Variants in KPNA5 observed in about 807,000 individuals in gnomAD.
KPNA5 encodes the protein karyopherin subunit alpha 5.
KPNA5 carries 46 observed loss-of-function variants against 71.3 expected under a neutral mutation model. The ratio of observed to expected loss-of-function variants is 0.65; its 90% CI spans 0.51 to 0.83. KPNA5 has a LOEUF of 0.83. Ranked by LOEUF, KPNA5 falls within the 40% of genes least tolerant of loss-of-function variation. KPNA5 has a pLI of 0.00. For synonymous variants in KPNA5, 207 were observed against 201.4 expected (o/e 1.03, Z -0.24); for missense variants, 547 against 628.3 (o/e 0.87, Z 1.38).
In KPNA5 at chr6:116,740,687, C is replaced by T. The variant is rs896243988; in HGVS notation, c.*8364C>T. 4 of 152,126 alleles carry T rather than the reference C, an allele frequency of 2.6e-5. No individual in the cohort carries two copies. Among genetic ancestry groups the T allele is most frequent in the African/African-American group, 9.7e-5 (4 of 41,426 alleles). The allele number at this position is 152,126 out of a possible 1,614,324, so 9.4% of individuals were successfully genotyped here. A position where few individuals can be genotyped will look rare whatever the true frequency, so the allele number is the denominator to read the frequency against. On this transcript the variant is annotated 3_prime_UTR_variant, in exon 14 of 14. Transcript: ENST00000368564. Reference sequence around the variant, plus strand: ...CCATAAAAAATGATGAGTTCATGTCCTTTGTAGGGACATGGATGAAATTGG... The same window carrying T: ...CCATAAAAAATGATGAGTTCATGTCTTTTGTAGGGACATGGATGAAATTGG...
At position 116,722,139 on chromosome 6, in the gene KPNA5, T is replaced by C; in HGVS notation, c.770T>C (p.Leu257Ser). 6.3e-7 allele frequency: 1 copy of C among 1,578,410 alleles called. No homozygotes were observed. Among genetic ancestry groups the C allele is most frequent in the Non-Finnish European group, 8.6e-7 (1 of 1,161,508 alleles). ...CTTCCCTTACAGGTTTCACCTTGCT[T>C]AAATGTCCTGTCACGACTGTTGTTT... ...PPNFSKVSPC[L>S]NVLSRLLFSS... Residue 257 changes from leucine to serine, a missense_variant, in exon 9 of 14, where the codon TTA (leucine) becomes TCA (serine). By Grantham distance (145) the Leu-to-Ser change is moderately radical. Coordinates refer to ENST00000368564, the MANE Select transcript of KPNA5 (RefSeq NM_001366306.2).
Position 116,722,293 on chromosome 6 carries a change from AC to A in KPNA5, c.920+5del, listed in dbSNP as rs758105064. ...GAAGATTGGTGGAACTTTTGATGTA[AC>A]TATAAATAATTTATGCTTAATAATT... is the stretch of plus-strand genomic sequence containing the variant. On this transcript the variant is annotated splice_donor_5th_base_variant and intron_variant, in intron 9 of 13. Transcript: ENST00000368564. 17 of 1,599,608 alleles carry A rather than the reference AC, an allele frequency of 1.1e-5. No homozygotes were observed. In the South Asian group the frequency reaches 1.7e-4, roughly 16 times the overall value.
In KPNA5 at chr6:116,740,450, T is replaced by C. The variant is rs1562463378; in HGVS notation, c.*8127T>C. 6.6e-6 allele frequency: 1 copy of C among 152,198 alleles called. No homozygotes were observed. Among genetic ancestry groups the C allele is most frequent in the Non-Finnish European group, 1.5e-5 (1 of 68,048 alleles). 9.4% of individuals were successfully genotyped at this position (152,198 alleles called of 1,614,324 possible). A position where few individuals can be genotyped will look rare whatever the true frequency, so the allele number is the denominator to read the frequency against. The stretch of plus-strand genomic sequence containing the variant: ...AGTCAGTTTGGCGATTCCTCAGTGA[T>C]CTAGAACTAGAAATACCATTTGACC... On this transcript the variant is annotated 3_prime_UTR_variant, in exon 14 of 14. Transcript: ENST00000368564.
intron 12 of KPNA5, among the ~76,000 whole-genome samples, chr6:116,728,513 A>G (rs956767210): frequency 2.0e-5 from 3 of 152,144 alleles, no homozygotes; most frequent in Non-Finnish European, 4.4e-5. Flanking sequence ...AGCACCAGCA[A>G]TGTGTCTGGT....
chr6:116,729,457 G>A, intron 12 of KPNA5, 106 bp from the exon 13 acceptor site: 1 of 643,750 alleles, frequency 1.6e-6, no homozygotes, highest in South Asian at 5.6e-5. Context: ...AATTGCTTAT[G>A]TAACATTTCA....
intron 1 of KPNA5, among the ~76,000 whole-genome samples, chr6:116,682,695 TG>T (rs1777409774): frequency 6.6e-6 from 1 of 152,220 alleles, no homozygotes; most frequent in Non-Finnish European, 1.5e-5. Flanking sequence ...AACTTAAACA[TG>T]GTTTTTCTAA....
At chr6:116,716,072 A>G in intron 7 of KPNA5, 147 bp from the exon 8 acceptor site, 1 of 620,822 alleles carries the variant, frequency 1.6e-6, no homozygotes, top group Non-Finnish European at 2.8e-6. Flanking sequence ...TTAGCTTGTG[A>G]AAACATAATG....
At chr6:116,701,691 A>G (rs1234111027) in intron 5 of KPNA5, among the ~76,000 whole-genome samples, 5 of 152,206 alleles carry the variant, frequency 3.3e-5, no homozygotes, top group Admixed American at 2.6e-4. Context: ...TTGCTTTAGA[A>G]TGCTTGCCTC....
intron 1 of KPNA5, among the ~76,000 whole-genome samples, chr6:116,683,749 C>T (rs1583395060): frequency 1.3e-5 from 2 of 151,884 alleles, no homozygotes; most frequent in East Asian, 3.9e-4. Context: ...AGGTGCCCAC[C>T]ACCACGCCCG....
chr6:116,703,941 A>G (rs1379572883), intron 6 of KPNA5, among the ~76,000 whole-genome samples: 1 of 152,316 alleles, frequency 6.6e-6, no homozygotes, highest in South Asian at 2.1e-4. Flanking sequence ...TGCAAATTCC[A>G]TGGAGTCTAT....
intron 7 of KPNA5, among the ~76,000 whole-genome samples, chr6:116,710,925 T>A (rs1778650958): frequency 7.4e-6 from 1 of 135,208 alleles, no homozygotes; most frequent in Non-Finnish European, 1.6e-5. Context: ...GTTGGAGTCT[T>A]GCTCTGTTGC....
chr6:116,683,918 TTTTTTTTTTTTTG>T (rs1284832434), intron 1 of KPNA5, among the ~76,000 whole-genome samples: 3 of 112,434 alleles, frequency 2.7e-5, no homozygotes, highest in African/African-American at 9.8e-5. Context: ...TTTTTTTTTT[TTTTTTTTTTTTTG>T]ACAGAGTCTT....
At chr6:116,694,476 G>A (rs1037484737) in intron 4 of KPNA5, among the ~76,000 whole-genome samples, 18 of 152,014 alleles carry the variant, frequency 1.2e-4, no homozygotes, top group African/African-American at 2.4e-4. Flanking sequence ...TGGATTCCTA[G>A]GTATTTTATT....
intron 6 of KPNA5, among the ~76,000 whole-genome samples, chr6:116,702,656 G>A (rs9489016): frequency 0.052 from 7,857 of 152,224 alleles, 605 homozygotes; most frequent in African/African-American, 0.17. Context: ...GCGACAGAGC[G>A]AGATTTGTTT....
chr6:116,729,899 T>G (rs1310056170), intron 13 of KPNA5, among the ~76,000 whole-genome samples, 158 bp downstream of exon 13: 1 of 133,940 alleles, frequency 7.5e-6, no homozygotes, highest in Non-Finnish European at 1.6e-5. Context: ...CAATTTATTT[T>G]TATTATTTAC....
intron 7 of KPNA5, among the ~76,000 whole-genome samples, chr6:116,715,719 C>T (rs984631859): frequency 6.6e-6 from 1 of 152,004 alleles, no homozygotes; most frequent in Admixed American, 6.6e-5. Flanking sequence ...AGTTGAAGAC[C>T]AGCCTGGCCA....
At chr6:116,703,553 G>A (rs191725867) in intron 6 of KPNA5, among the ~76,000 whole-genome samples, 32 of 151,984 alleles carry the variant, frequency 2.1e-4, no homozygotes, top group African/African-American at 6.3e-4. Context: ...GTGAGCCACC[G>A]CGCCCGGCCA....
At chr6:116,685,571 G>A (rs1308942718) in intron 1 of KPNA5, among the ~76,000 whole-genome samples, 1 of 152,162 alleles carries the variant, frequency 6.6e-6, no homozygotes, top group Non-Finnish European at 1.5e-5. Flanking sequence ...GTTTGCTAAG[G>A]ATAATGTCCT....
At chr6:116,730,866 T>G (rs1779455843) in intron 13 of KPNA5, among the ~76,000 whole-genome samples, 1 of 152,124 alleles carries the variant, frequency 6.6e-6, no homozygotes, top group Non-Finnish European at 1.5e-5. Flanking sequence ...TGACTTTTTT[T>G]TTTGGTAAAA....
Sources: allele counts gnomAD v4.1 joint callset (sites outside exome capture counted in the v4.1 genomes callset), GRCh38; gene constraint gnomAD v4.1.1; transcripts MANE v1.5; gene names NCBI Gene and HGNC (gene_info 2026-07-23, HGNC 2026-07-21).